PPP1R9A: variants seen among roughly 807,000 people sequenced by gnomAD.
The protein encoded by PPP1R9A is protein phosphatase 1 regulatory subunit 9A.
In PPP1R9A, 59 loss-of-function variants were observed where a neutral mutation model predicts 141.9. The observed-to-expected ratio is 0.42, with a 90% CI of 0.34 to 0.52. PPP1R9A has a LOEUF of 0.52. Among genes scored for constraint, PPP1R9A ranks in the 20% least tolerant of loss-of-function variants. The pLI, the probability that PPP1R9A is intolerant of heterozygous loss-of-function variation, is 0.10. For synonymous variants in PPP1R9A, 500 were observed against 569.7 expected, an observed-to-expected ratio of 0.88 and a Z score of 1.74; for missense variants, 1,444 against 1,611.9, an observed-to-expected ratio of 0.90 and a Z score of 1.78.
chr7:95,204,936 C>T (rs1371315682), intron 7 of PPP1R9A, among the ~76,000 whole-genome samples: 3 of 146,992 alleles, frequency 2.0e-5, no homozygotes, highest in Non-Finnish European at 1.5e-5. Flanking sequence ...ATACACACAC[C>T]ACATACCCAC....
intron 4 of PPP1R9A, among the ~76,000 whole-genome samples, chr7:95,139,073 C>CA (rs1488195005): frequency 6.6e-6 from 1 of 152,124 alleles, no homozygotes; most frequent in African/African-American, 2.4e-5. Flanking sequence ...TCATAATAGA[C>CA]AAAATCAGGA....
In PPP1R9A at chr7:95,127,507, C is replaced by CTT. The variant is rs113436552; in HGVS notation, c.1649+6686_1649+6687dup. On this transcript the variant is annotated intron_variant, in intron 4 of 19. Coordinates refer to ENST00000433360, the MANE Select transcript of PPP1R9A (RefSeq NM_001166160.2). ...TCTCTTCTGTCTTCTTTTTTTCTTT[C>CTT]TTTTTTTTTTTTAAACTTTTATTTT... 2.5e-3 allele frequency among the ~76,000 whole-genome samples: 369 copies of CTT among 145,790 alleles called. 22 individuals are homozygous for CTT. Among genetic ancestry groups the CTT allele is most frequent in the East Asian group, 3.4e-3 (17 of 4,998 alleles).
intron 1 of PPP1R9A, among the ~76,000 whole-genome samples, chr7:94,909,094 T>C (rs1275078715): frequency 6.6e-6 from 1 of 152,252 alleles, no homozygotes; most frequent in African/African-American, 2.4e-5. Flanking sequence ...TGCATTGCGT[T>C]GCGTGTTGAA....
intron 2 of PPP1R9A, among the ~76,000 whole-genome samples, chr7:95,109,623 T>C (rs1820182115): frequency 6.6e-6 from 1 of 152,126 alleles, no homozygotes; most frequent in South Asian, 2.1e-4. Flanking sequence ...GGAGGATTGC[T>C]TGAGCCTGGG....
chr7:94,911,521 T>C lies in PPP1R9A; in HGVS notation c.1395+13T>C. ...TGCTCCTATTAAGGTAAGTGTGTTT[T>C]CTCCATTTTGTTTTCTAAATTTGTT... On this transcript the variant is annotated intron_variant, in intron 2 of 19. Transcript: ENST00000433360. The C allele has an allele frequency of 6.3e-7, 1 of 1,578,428 alleles. No individual in the cohort carries two copies.
intron 5 of PPP1R9A, among the ~76,000 whole-genome samples, chr7:95,181,253 T>G (rs910899816): frequency 7.0e-6 from 1 of 142,846 alleles, no homozygotes; most frequent in Non-Finnish European, 1.5e-5. Context: ...ATAGAGAATA[T>G]ATATAGAATA....
chr7:95,201,998 G>A (rs2152872124), intron 6 of PPP1R9A, among the ~76,000 whole-genome samples: 1 of 152,254 alleles, frequency 6.6e-6, no homozygotes, highest in African/African-American at 2.4e-5. Context: ...CTTGGAACTT[G>A]TCACATTGAC....
At chr7:94,990,417 T>C (rs1321014854) in intron 2 of PPP1R9A, among the ~76,000 whole-genome samples, 1 of 152,066 alleles carries the variant, frequency 6.6e-6, no homozygotes, top group East Asian at 1.9e-4. Context: ...GTTCACCATT[T>C]CTCTCTCATT....
intron 5 of PPP1R9A, among the ~76,000 whole-genome samples, chr7:95,186,255 T>TG (rs879817657): frequency 1.1e-4 from 16 of 149,736 alleles, no homozygotes; most frequent in Non-Finnish European, 2.0e-4. Flanking sequence ...CCCTAAATAT[T>TG]TTTTTAGGAG....
intron 2 of PPP1R9A, among the ~76,000 whole-genome samples, chr7:95,110,967 T>A (rs1335925826): frequency 6.6e-6 from 1 of 152,212 alleles, no homozygotes; most frequent in Non-Finnish European, 1.5e-5. Context: ...CTAATATGAT[T>A]CATTCTGATT....
intron 5 of PPP1R9A, among the ~76,000 whole-genome samples, chr7:95,184,958 G>A (rs1449195327): frequency 6.6e-6 from 1 of 151,462 alleles, no homozygotes; most frequent in African/African-American, 2.4e-5. Context: ...TTCATATAAT[G>A]ACTTTCTTTT....
At chr7:95,136,591 G>A (rs1467079066) in intron 4 of PPP1R9A, among the ~76,000 whole-genome samples, 1 of 152,180 alleles carries the variant, frequency 6.6e-6, no homozygotes, top group African/African-American at 2.4e-5. Context: ...AGGAGAATAT[G>A]TGATTGTGGG....
intron 2 of PPP1R9A, among the ~76,000 whole-genome samples, chr7:95,080,318 A>G (rs1204657822): frequency 3.9e-5 from 6 of 151,904 alleles, no homozygotes; most frequent in Admixed American, 2.6e-4. Flanking sequence ...GAGCCAAATC[A>G]TGAGTGAACT....
intron 2 of PPP1R9A, among the ~76,000 whole-genome samples, chr7:95,035,393 G>GA (rs1334117624): frequency 6.6e-6 from 1 of 151,924 alleles, no homozygotes; most frequent in Non-Finnish European, 1.5e-5. Flanking sequence ...TTTAGCATAG[G>GA]AAAAAATGTG....
At chr7:95,121,441 T>TTGTC (rs71125102) in intron 4 of PPP1R9A, among the ~76,000 whole-genome samples, 2,119 of 147,184 alleles carry the variant, frequency 0.014, 66 homozygotes, top group African/African-American at 0.049. Context: ...CTCAAGCTAT[T>TTGTC]TGTCTGTCTG....
intron 7 of PPP1R9A, 26 bp from the exon 8 acceptor site, chr7:95,225,935 G>T (rs1795087094): frequency 1.9e-6 from 3 of 1,579,720 alleles, no homozygotes; most frequent in East Asian, 4.5e-5. Flanking sequence ...AGGACAGCTG[G>T]ATTTCTGAAA....
intron 2 of PPP1R9A, among the ~76,000 whole-genome samples, chr7:95,096,241 G>A (rs1245561304): frequency 2.0e-5 from 3 of 152,062 alleles, no homozygotes; most frequent in African/African-American, 4.8e-5. Context: ...GCAAAGGAAG[G>A]GCTTTTGTTG....
chr7:95,267,939 C>T (rs1801559068), intron 12 of PPP1R9A, among the ~76,000 whole-genome samples: 1 of 152,112 alleles, frequency 6.6e-6, no homozygotes, highest in African/African-American at 2.4e-5. Flanking sequence ...TTTCTTTTCC[C>T]CAGCTATCGT....
At chr7:95,095,973 G>C (rs756340180) in intron 2 of PPP1R9A, among the ~76,000 whole-genome samples, 8 of 152,036 alleles carry the variant, frequency 5.3e-5, no homozygotes, top group Non-Finnish European at 1.2e-4. Flanking sequence ...ATTTTTGGTT[G>C]TACTGTGTAG....
Sources: allele counts gnomAD v4.1 joint callset (sites outside exome capture counted in the v4.1 genomes callset), GRCh38; gene constraint gnomAD v4.1.1; transcripts MANE v1.5; gene names NCBI Gene and HGNC (gene_info 2026-07-23, HGNC 2026-07-21).